TTLL5: variants seen among roughly 807,000 people sequenced by gnomAD.
TTLL5 encodes tubulin tyrosine ligase like 5, also known as tubulin polyglutamylase TTLL5.
TTLL5 carries 132 observed loss-of-function variants against 168.4 expected under a neutral mutation model. The observed-to-expected ratio is 0.78, with a 90% CI of 0.68 to 0.91. The LOEUF (loss-of-function observed/expected upper bound fraction) is 0.91. TTLL5 is among the 40% of genes least tolerant of loss of function. TTLL5 has a pLI of 0.00. For synonymous variants in TTLL5, 546 were observed against 558.6 expected, an observed-to-expected ratio of 0.98 and a Z score of 0.32; for missense variants, 1,545 against 1,581.5, an observed-to-expected ratio of 0.98 and a Z score of 0.39.
At chr14:75,829,033 T>A (rs1466095490) in intron 28 of TTLL5, among the ~76,000 whole-genome samples, 1 of 152,230 alleles carries the variant, frequency 6.6e-6, no homozygotes, top group Non-Finnish European at 1.5e-5. Context: ...TCATAAAATT[T>A]ACTAATGCAA....
At chr14:75,733,817 C>T (rs989707289) in intron 13 of TTLL5, among the ~76,000 whole-genome samples, 172 bp from the exon 14 acceptor site, 4 of 152,134 alleles carry the variant, frequency 2.6e-5, no homozygotes, top group Non-Finnish European at 5.9e-5. Flanking sequence ...GATTTCATTT[C>T]TCATATTTTT....
chr14:75,913,821 G>A (rs1368011319), intron 31 of TTLL5, among the ~76,000 whole-genome samples: 1 of 151,192 alleles, frequency 6.6e-6, no homozygotes, highest in Admixed American at 6.6e-5. Flanking sequence ...CAAGACCAGC[G>A]TGGCCAACAT....
At chr14:75,855,164 A>G (rs175904) in intron 28 of TTLL5, among the ~76,000 whole-genome samples, 20,592 of 150,528 alleles carry the variant, frequency 0.14, 1,968 homozygotes, top group East Asian at 0.4. Flanking sequence ...AAAAAAAAAA[A>G]AAGAAATAAG....
intron 28 of TTLL5, among the ~76,000 whole-genome samples, chr14:75,854,626 G>A (rs900883284): frequency 1.3e-5 from 2 of 152,126 alleles, no homozygotes; most frequent in South Asian, 2.1e-4. Context: ...TTACACCCCC[G>A]TCAGCAATGT....
rs753590876 is a variant in TTLL5, at chr14:75,669,448, G to T, written c.107G>T (p.Cys36Phe). Residue 36 changes from cysteine (C) to phenylalanine (F), a missense_variant, in exon 3 of 32, where the codon TGC (cysteine) becomes TTC (phenylalanine). By Grantham distance (205) the Cys-to-Phe change is radical (BLOSUM62 -2). Coordinates refer to ENST00000298832, the MANE Select transcript of TTLL5 (RefSeq NM_015072.5). ...CCATGCATCATGTGGACTGGAGGCT[G>T]CAGGAGAATTCCAGTTTTGGTATTC... ...DHPCIMWTGG[C>F]RRIPVLVFHA... is the part of the protein sequence containing the mutation. 6 of 1,613,964 alleles carry T rather than the reference G, an allele frequency of 3.7e-6. No individual in the cohort carries two copies. The African/African-American group carries it at 8.0e-5, about 22-fold the overall frequency.
intron 31 of TTLL5, among the ~76,000 whole-genome samples, chr14:75,942,292 T>C (rs916664151): frequency 6.6e-6 from 1 of 152,232 alleles, no homozygotes; most frequent in African/African-American, 2.4e-5. Context: ...CTTTTGTTGT[T>C]TGTAGAAGCC....
At chr14:75,812,466 G>A (rs541883123) in intron 27 of TTLL5, among the ~76,000 whole-genome samples, 5 of 152,286 alleles carry the variant, frequency 3.3e-5, no homozygotes, top group African/African-American at 1.2e-4. Flanking sequence ...GGGCAGCATA[G>A]CAAGTAATCT....
chr14:75,901,542 CTTTG>C lies in TTLL5; in HGVS notation c.3741-595_3741-592del, dbSNP rs1050224252. On this transcript the variant is annotated intron_variant, in intron 30 of 31. Coordinates refer to ENST00000298832, the MANE Select transcript of TTLL5 (RefSeq NM_015072.5). Reference sequence around the variant, plus strand: ...TATTGACACCATGGAGTAGATAATTCTTTGTTTGGGGCATTTTCCTGTGTGCTGT... The same window carrying C: ...TATTGACACCATGGAGTAGATAATTCTTTGGGGCATTTTCCTGTGTGCTGT... Among the ~76,000 whole-genome samples the C allele has an allele frequency of 2.8e-4, 42 of 152,214 alleles. 1 individual carries two copies. The highest frequency in any genetic ancestry group is 9.1e-4 in the African/African-American group (38 of 41,542).
chr14:75,926,312 T>C (rs1234291412), intron 31 of TTLL5, among the ~76,000 whole-genome samples: 2 of 151,956 alleles, frequency 1.3e-5, no homozygotes, highest in Admixed American at 1.3e-4. Flanking sequence ...AATTTGCCAG[T>C]TCGTGTCTTT....
chr14:75,668,107 T>G (rs1041067434), intron 2 of TTLL5, among the ~76,000 whole-genome samples: 1 of 152,088 alleles, frequency 6.6e-6, no homozygotes, highest in African/African-American at 2.4e-5. Flanking sequence ...GACTTGGCCC[T>G]GAGATTTGTG....
chr14:75,907,701 A>C (rs1284612388), intron 31 of TTLL5, among the ~76,000 whole-genome samples: 2 of 152,226 alleles, frequency 1.3e-5, no homozygotes, highest in African/African-American at 2.4e-5. Context: ...CATATACCAA[A>C]ATTTACTGGA....
chr14:75,893,678 C>T (rs193137227), intron 30 of TTLL5, among the ~76,000 whole-genome samples: 1 of 152,028 alleles, frequency 6.6e-6, no homozygotes, highest in East Asian at 1.9e-4. Flanking sequence ...ATTAGCTGGG[C>T]GGGGTGACGC....
At chr14:75,724,477 T>G (rs1888059353) in intron 12 of TTLL5, among the ~76,000 whole-genome samples, 1 of 152,168 alleles carries the variant, frequency 6.6e-6, no homozygotes, top group Admixed American at 6.5e-5. Flanking sequence ...CTTGAGAACC[T>G]ATACAAACTA....
In TTLL5 at chr14:75,793,145, T is replaced by C. The variant is rs1051515612; in HGVS notation, c.3171+45T>C. On this transcript the variant is annotated intron_variant, in intron 27 of 31. Coordinates refer to ENST00000298832, the MANE Select transcript of TTLL5 (RefSeq NM_015072.5). ...TCCAAGAGCTCTTTGGACCTGAGGATAGAATTAATGACAGGGTACTTTGTC... is the reference window on the plus strand; with the variant it reads ...TCCAAGAGCTCTTTGGACCTGAGGACAGAATTAATGACAGGGTACTTTGTC... 3.4e-6 allele frequency: 5 copies of C among 1,478,860 alleles called. No homozygotes were observed. In the African/African-American group the frequency reaches 7.0e-5, roughly 21 times the overall value. 91.6% of individuals were successfully genotyped at this position (1,478,860 alleles called of 1,614,324 possible).
Position 75,699,256 on chromosome 14 carries a change from T to C in TTLL5, c.571T>C (p.Tyr191His). Residue 191 changes from tyrosine (Y) to histidine (H), a missense_variant, in exon 7 of 32, where the codon TAC becomes CAC. Transcript: ENST00000298832. ...GGCATCTTCAAGGGGGCGGGGCGTC[T>C]ACCTGATCAACAATGTAAGTATGCA... ...PVASSRGRGV[Y>H]LINNPNQISL... The C allele has an allele frequency of 1.9e-6, 3 of 1,613,954 alleles. No homozygotes were observed. The highest frequency in any genetic ancestry group is 1.7e-6 in the Non-Finnish European group (2 of 1,179,900).
chr14:75,695,802 C>G (rs1336678561), intron 6 of TTLL5, among the ~76,000 whole-genome samples: 1 of 129,090 alleles, frequency 7.7e-6, no homozygotes, highest in African/African-American at 3.0e-5. Flanking sequence ...CCTTCCCTGC[C>G]CTCCCCTCCC....
chr14:75,880,949 TG>T (rs1481261171), intron 29 of TTLL5, among the ~76,000 whole-genome samples: 10 of 152,202 alleles, frequency 6.6e-5, no homozygotes, highest in Non-Finnish European at 1.0e-4. Flanking sequence ...GGTCTAGCTC[TG>T]TCACCGAGGC....
At chr14:75,925,933 G>T (rs943233455) in intron 31 of TTLL5, among the ~76,000 whole-genome samples, 1 of 151,866 alleles carries the variant, frequency 6.6e-6, no homozygotes, top group Non-Finnish European at 1.5e-5. Context: ...ACCTGTAATC[G>T]CAGGCACTTG....
intron 31 of TTLL5, among the ~76,000 whole-genome samples, chr14:75,933,328 T>C (rs2034334890): frequency 1.3e-5 from 2 of 152,098 alleles, no homozygotes; most frequent in Admixed American, 1.3e-4. Context: ...CCGGGTGTGG[T>C]TGCATGTGCC....
Sources: allele counts gnomAD v4.1 joint callset (sites outside exome capture counted in the v4.1 genomes callset), GRCh38; gene constraint gnomAD v4.1.1; transcripts MANE v1.5; gene names NCBI Gene and HGNC (gene_info 2026-07-23, HGNC 2026-07-21).